Variants in CFAP43 observed in about 807,000 individuals in gnomAD.
CFAP43 encodes the protein cilia- and flagella-associated protein 43.
CFAP43 carries 155 observed loss-of-function variants against 218.9 expected under a neutral mutation model. The observed-to-expected ratio is 0.71, with a 90% CI of 0.62 to 0.81. The LOEUF (loss-of-function observed/expected upper bound fraction) is 0.81. Among genes scored for constraint, CFAP43 ranks in the 30% least tolerant of loss-of-function variants. The probability of loss-of-function intolerance (pLI) is 0.00; values close to 1 mark genes in which losing one functional copy is unlikely to be tolerated. For missense variants in CFAP43, 1,778 were observed against 1,954.3 expected, an observed-to-expected ratio of 0.91 and a Z score of 1.70; for synonymous variants, 645 against 681.3, an observed-to-expected ratio of 0.95 and a Z score of 0.83.
At chr10:104,133,819 G>A in intron 34 of CFAP43, 35 bp from the exon 35 acceptor site, 1 of 1,519,636 alleles carries the variant, frequency 6.6e-7, no homozygotes, top group East Asian at 2.3e-5. Flanking sequence ...CATATAATAT[G>A]ATTCTGCATA....
intron 2 of CFAP43, among the ~76,000 whole-genome samples, chr10:104,229,405 C>T (rs1220318119): frequency 1.3e-5 from 2 of 151,564 alleles, no homozygotes; most frequent in Non-Finnish European, 2.9e-5. Flanking sequence ...GTAATCCCAG[C>T]ACTTTGGGAG....
At chr10:104,218,963 G>T in intron 3 of CFAP43, 1 of 413,704 alleles carries the variant, frequency 2.4e-6, no homozygotes. Flanking sequence ...ACAACTGCAT[G>T]TGACAGAAGG....
At chr10:104,136,226 G>A in intron 34 of CFAP43, among the ~76,000 whole-genome samples, 1 of 136,114 alleles carries the variant, frequency 7.3e-6, no homozygotes, top group African/African-American at 2.9e-5. Context: ...GCTCCAGCCT[G>A]GGAGACAGAG....
chr10:104,184,555 C>G (rs557239907), intron 16 of CFAP43, among the ~76,000 whole-genome samples: 1 of 151,362 alleles, frequency 6.6e-6, no homozygotes, highest in South Asian at 2.1e-4. Flanking sequence ...AAACAATTTG[C>G]TCTGGAACAC....
rs572260176 is a variant in CFAP43 at position 104,182,565 on chromosome 10, A to C, written c.2142-52T>G. 7.4e-6 allele frequency: 11 copies of C among 1,495,188 alleles called. 1 individual carries two copies. In the East Asian group the frequency reaches 2.7e-4, roughly 36 times the overall value. 92.6% of individuals were successfully genotyped at this position (1,495,188 alleles called of 1,614,324 possible). Reference sequence around the variant, plus strand: ...AGGCTATAAAAATCATAATTTAAAAAATCACATTTAGCTGTATTATTTTCA... The same window carrying C: ...AGGCTATAAAAATCATAATTTAAAACATCACATTTAGCTGTATTATTTTCA... On this transcript the variant is annotated intron_variant, in intron 16 of 37. Coordinates refer to ENST00000357060, the MANE Select transcript of CFAP43 (RefSeq NM_025145.7).
At chr10:104,227,319 T>G in intron 2 of CFAP43, among the ~76,000 whole-genome samples, 1 of 152,212 alleles carries the variant, frequency 6.6e-6, no homozygotes. Context: ...TGAATTCGTC[T>G]TGAAGTGAGT....
At chr10:104,167,847 A>T in intron 21 of CFAP43, 110 bp from the exon 22 acceptor site, 2 of 676,644 alleles carry the variant, frequency 3.0e-6, no homozygotes, top group Non-Finnish European at 4.8e-6. Context: ...ATAGGTTATC[A>T]TGTGTTAGTA....
Position 104,172,291 on chromosome 10 carries a change from C to T in CFAP43, c.2586+119G>A, listed in dbSNP as rs556718096. ...TTATATGCACTATGTTTGCTTTATT[C>T]ACATTATACTGAAAAAGGTTTTGTC... On this transcript the variant is annotated intron_variant, in intron 20 of 37. Transcript: ENST00000357060. The T allele has an allele frequency of 9.4e-6, 12 of 1,276,704 alleles. 1 individual carries two copies. The highest frequency in any genetic ancestry group is 4.8e-4 in the Middle Eastern group (2 of 4,162). 79.1% of individuals were successfully genotyped at this position (1,276,704 alleles called of 1,614,324 possible).
At chr10:104,147,713 A>C (rs771711755) in intron 29 of CFAP43, among the ~76,000 whole-genome samples, 178 bp downstream of exon 29, 5 of 152,322 alleles carry the variant, frequency 3.3e-5, no homozygotes, top group Non-Finnish European at 7.3e-5. Context: ...AACAGATTGG[A>C]ATGGTTACTT....
chr10:104,197,526 C>T (rs1427829938), intron 9 of CFAP43, among the ~76,000 whole-genome samples: 1 of 152,114 alleles, frequency 6.6e-6, no homozygotes, highest in African/African-American at 2.4e-5. Context: ...GCTGCATTAC[C>T]TGGAAAAAAA....
chr10:104,188,248 T>A (rs2090094626), intron 13 of CFAP43, 22 bp downstream of exon 13: 1 of 1,612,230 alleles, frequency 6.2e-7, no homozygotes, highest in African/African-American at 1.3e-5. Context: ...GGAGCAGAAC[T>A]GGCTGCTTAT....
intron 20 of CFAP43, among the ~76,000 whole-genome samples, chr10:104,170,370 G>A (rs2089358603): frequency 6.6e-6 from 1 of 152,134 alleles, no homozygotes. Flanking sequence ...TAGGTAGGAT[G>A]AGTTTGGCAA....
intron 27 of CFAP43, among the ~76,000 whole-genome samples, chr10:104,157,775 T>TGTGTGTGAGAGAGAGAGA (rs1484523345): frequency 6.7e-4 from 60 of 90,150 alleles, no homozygotes; most frequent in Non-Finnish European, 1.1e-3. Context: ...TGTGTGTGTG[T>TGTGTGTGAGAGAGAGAGA]GAGAGAGAGA....
At chr10:104,189,885 A>G (rs79158126) in intron 12 of CFAP43, among the ~76,000 whole-genome samples, 1 of 152,094 alleles carries the variant, frequency 6.6e-6, no homozygotes, top group Admixed American at 6.5e-5. Flanking sequence ...AAACAAAAAA[A>G]GGCCAGGCGT....
intron 3 of CFAP43, among the ~76,000 whole-genome samples, chr10:104,222,511 C>A (rs1274447382): frequency 2.0e-5 from 3 of 152,208 alleles, no homozygotes; most frequent in Admixed American, 2.0e-4. Flanking sequence ...TGCCGCAGAG[C>A]CTCACTGAGA....
At chr10:104,173,291 GA>G (rs1286819454) in intron 19 of CFAP43, among the ~76,000 whole-genome samples, 3 of 152,022 alleles carry the variant, frequency 2.0e-5, no homozygotes, top group Non-Finnish European at 4.4e-5. Flanking sequence ...CAATGAAGAG[GA>G]AAAAAGGAAT....
At chr10:104,174,780 G>A (rs1315143218) in intron 19 of CFAP43, among the ~76,000 whole-genome samples, 1 of 151,966 alleles carries the variant, frequency 6.6e-6, no homozygotes, top group African/African-American at 2.4e-5. Context: ...AACTGGCCGG[G>A]CGTGGTGGCC....
intron 3 of CFAP43, among the ~76,000 whole-genome samples, chr10:104,220,839 G>A (rs1053411290): frequency 2.0e-5 from 3 of 152,168 alleles, no homozygotes; most frequent in Admixed American, 2.0e-4. Context: ...TGGTAGAACA[G>A]TTAAGTTTAA....
intron 17 of CFAP43, among the ~76,000 whole-genome samples, chr10:104,181,443 C>G (rs1426756996): frequency 2.0e-5 from 3 of 152,228 alleles, no homozygotes; most frequent in African/African-American, 7.2e-5. Flanking sequence ...ACATTCTCCT[C>G]ATAGCATCAA....
Sources: allele counts gnomAD v4.1 joint callset (sites outside exome capture counted in the v4.1 genomes callset), GRCh38; gene constraint gnomAD v4.1.1; transcripts MANE v1.5; gene names NCBI Gene and HGNC (gene_info 2026-07-23, HGNC 2026-07-21).